Variants in MUC5B observed in about 807,000 individuals in gnomAD.
MUC5B encodes the protein mucin-5B.
In MUC5B, 116 loss-of-function variants were observed where a neutral mutation model predicts 376.9. That is an observed-to-expected ratio of 0.31 (90% CI 0.26 to 0.36). The LOEUF (loss-of-function observed/expected upper bound fraction) is 0.36. Ranked by LOEUF, MUC5B falls within the 10% of genes least tolerant of loss-of-function variation. MUC5B has a pLI of 1.00. For synonymous variants in MUC5B, 3,517 were observed against 3,390.9 expected (o/e 1.04, Z -1.29); for missense variants, 7,165 against 7,769.9 (o/e 0.92, Z 2.93).
intron 7 of MUC5B, among the ~76,000 whole-genome samples, chr11:1,228,059 C>T (rs1406467272): frequency 1.3e-5 from 2 of 152,206 alleles, no homozygotes; most frequent in African/African-American, 4.8e-5. Context: ...AAGCCCGGAG[C>T]CAGCCCTTCC....
At chr11:1,229,133 C>A (rs1366037386) in intron 8 of MUC5B, 37 bp from the exon 9 acceptor site, 2 of 1,541,332 alleles carry the variant, frequency 1.3e-6, no homozygotes, top group Non-Finnish European at 8.7e-7. Flanking sequence ...CAGTACAGGG[C>A]CCTTCCCCTG....
In MUC5B at chr11:1,245,944, C is replaced by T. The variant is rs764292695; in HGVS notation, c.9064C>T (p.Pro3022Ser). The T allele has an allele frequency of 3.1e-6, 5 of 1,612,966 alleles. No homozygotes were observed. The highest frequency in any genetic ancestry group is 3.4e-6 in the Non-Finnish European group (4 of 1,179,694). Residue 3022 changes from proline (P) to serine (S), a missense_variant, in exon 31 of 49, where the codon CCC becomes TCC. By Grantham distance (74) the Pro-to-Ser change is moderately conservative (BLOSUM62 -1). Coordinates refer to ENST00000529681, the MANE Select transcript of MUC5B (RefSeq NM_002458.3). Reference protein sequence around the residue: ...PSSTPGTAPPPKVLTSTATTP... With the variant: ...PSSTPGTAPPSKVLTSTATTP... ...CTCCACCCCGGGAACAGCTCCCCCT[C>T]CCAAAGTGCTGACCAGCACGGCCAC...
At position 1,246,517 on chromosome 11, in the gene MUC5B, T is replaced by C; in HGVS notation, c.9637T>C (p.Ser3213Pro). 6.2e-7 allele frequency: 1 copy of C among 1,612,680 alleles called. No homozygotes were observed. Among genetic ancestry groups the C allele is most frequent in the Non-Finnish European group, 8.5e-7 (1 of 1,179,474 alleles). ...PTVISSRATPSSSPGTATALP... is the reference protein window; with the variant it reads ...PTVISSRATPPSSPGTATALP... ...AGTCATCAGCTCCAGAGCCACTCCC[T>C]CCTCCAGTCCAGGGACTGCAACCGC... The change falls in exon 31 of 49, where the codon TCC (serine) becomes CCC (proline). Residue 3213 changes from serine to proline, a missense_variant. Ser to Pro is a moderately conservative substitution (Grantham distance 74, BLOSUM62 -1). Transcript: ENST00000529681.
chr11:1,260,971 A>G (rs895194058), intron 48 of MUC5B, among the ~76,000 whole-genome samples: 1 of 152,158 alleles, frequency 6.6e-6, no homozygotes, highest in African/African-American at 2.4e-5. Context: ...CCCCGCTGCG[A>G]ACCCAGGTCC....
chr11:1,257,953 G>A lies in MUC5B; in HGVS notation c.16451-146G>A. Reference sequence around the variant, plus strand: ...GGACGTGGGAAGCAGCGGGGAGGTGGCCAAGCAAGGGGCCTGGAGGGAGCC... The same window carrying A: ...GGACGTGGGAAGCAGCGGGGAGGTGACCAAGCAAGGGGCCTGGAGGGAGCC... On this transcript the variant is annotated intron_variant, in intron 41 of 48. Transcript: ENST00000529681. The surrounding 1 kb of genome is among the most constrained non-coding windows in gnomAD (Gnocchi z 8.9). 1.3e-5 allele frequency: 12 copies of A among 944,142 alleles called. No homozygotes were observed. The highest frequency in any genetic ancestry group is 1.7e-5 in the Non-Finnish European group (11 of 634,602). 58.5% of individuals were successfully genotyped at this position (944,142 alleles called of 1,614,324 possible).
intron 9 of MUC5B, 61 bp from the exon 10 acceptor site, chr11:1,229,629 G>A (rs1282466947): frequency 3.6e-6 from 5 of 1,400,004 alleles, no homozygotes; most frequent in Admixed American, 4.0e-5. Context: ...CAAGGCCGGT[G>A]TCTTCTGACC....
At chr11:1,256,468 A>AC in intron 38 of MUC5B, 1 of 64,406 alleles carries the variant, frequency 1.6e-5, no homozygotes, top group Non-Finnish European at 2.6e-5. Context: ...ACCGAGCCCC[A>AC]CCCATCCCCG....
chr11:1,234,198 TC>T lies in MUC5B; in HGVS notation c.2378-3del. ...CCAGGACCCCTCCCACCAAGCTCTG[TC>T]CCCAGGGTGTGCAGCCCCCATGGTG... On this transcript the variant is annotated splice_polypyrimidine_tract_variant and splice_region_variant and intron_variant, in intron 19 of 48. Transcript: ENST00000529681. This position sits in a 1 kb window ranked among gnomAD's most constrained non-coding sequence, Gnocchi z 6.3. 6.3e-7 allele frequency: 1 copy of T among 1,594,864 alleles called. No individual in the cohort carries two copies. Among genetic ancestry groups the T allele is most frequent in the Non-Finnish European group, 8.5e-7 (1 of 1,172,558 alleles).
At chr11:1,254,458 C>T in intron 34 of MUC5B, 107 bp downstream of exon 34, 1 of 1,466,004 alleles carries the variant, frequency 6.8e-7, no homozygotes, top group Non-Finnish European at 9.2e-7. Flanking sequence ...GGCCCAGTGC[C>T]CAAGACAGCT....
Position 1,244,605 on chromosome 11 carries a change from C to A in MUC5B, c.7725C>A (p.His2575Gln). The change falls in exon 31 of 49, where the codon CAC becomes CAA. Residue 2575 changes from histidine (H) to glutamine (Q), a missense_variant. His to Gln is a conservative substitution (Grantham distance 24). This residue lies in a region of MUC5B where 194 missense variants were observed against 268.5 expected (regional missense o/e 0.72). Transcript: ENST00000529681. ...CCTCCTCCACTCCAGAGACTGTCCA[C>A]ACCTCCACAGTGCTTACCACCACGG... ...ATPSSTPETV[H>Q]TSTVLTTTAT... is the part of the protein sequence containing the mutation. 1 of 1,613,668 alleles carries A rather than the reference C, an allele frequency of 6.2e-7. No homozygotes were observed. Among genetic ancestry groups the A allele is most frequent in the Non-Finnish European group, 8.5e-7 (1 of 1,179,774 alleles).
rs1862482562 is a variant in MUC5B, at chr11:1,246,732, C to T, written c.9852C>T (p.Thr3284=). ...CCTCCACAGTGCTTACCACCACGAC[C>T]ACCACAACCAGGGCCACCGGCTCTG... ...VHTSTVLTTT[T]TTTRATGSVA... is the part of the protein sequence containing the mutation. Residue 3284 remains threonine (T), a synonymous_variant, in exon 31 of 49, where the codon ACC becomes ACT. Coordinates refer to ENST00000529681, the MANE Select transcript of MUC5B (RefSeq NM_002458.3). 7 of 1,609,752 alleles carry T rather than the reference C, an allele frequency of 4.3e-6. No individual in the cohort carries two copies. In the Admixed American group the frequency reaches 1.2e-4, roughly 27 times the overall value.
chr11:1,252,034 C>T (rs998243452), intron 31 of MUC5B, among the ~76,000 whole-genome samples: 2 of 152,034 alleles, frequency 1.3e-5, no homozygotes, highest in African/African-American at 4.8e-5. Context: ...CAATCCATCC[C>T]CACTGGCCAC....
rs934298772 is a variant in MUC5B, at chr11:1,261,924, C to A, written c.*316C>A. On this transcript the variant is annotated 3_prime_UTR_variant, in exon 49 of 49. Coordinates refer to ENST00000529681, the MANE Select transcript of MUC5B (RefSeq NM_002458.3). Reference sequence around the variant, plus strand: ...CATGTGCGGGCCTATGTGTCCCTGCCACGGCCGGAGCGCCCGCGCAGCACG... The same window carrying A: ...CATGTGCGGGCCTATGTGTCCCTGCAACGGCCGGAGCGCCCGCGCAGCACG... The A allele has an allele frequency of 1.3e-4, 74 of 578,734 alleles. No individual in the cohort carries two copies. The highest frequency in any genetic ancestry group is 2.0e-4 in the African/African-American group (11 of 54,468). The allele number at this position is 578,734 out of a possible 1,614,324, so 35.8% of individuals were successfully genotyped here.
intron 6 of MUC5B, 72 bp downstream of exon 6, chr11:1,227,470 C>T (rs1861914701): frequency 1.6e-6 from 2 of 1,268,984 alleles, no homozygotes; most frequent in Non-Finnish European, 1.1e-6. Context: ...CCCGGGGAGG[C>T]CGGGAGGGGG....
chr11:1,233,301 G>C (rs1192637266), intron 18 of MUC5B, 33 bp downstream of exon 18: 2 of 1,490,546 alleles, frequency 1.3e-6, no homozygotes, highest in African/African-American at 1.4e-5. Flanking sequence ...GGCCCCCCAG[G>C]TGCTCCTCAG....
rs1224461501 is a variant in MUC5B at position 1,241,544 on chromosome 11, C to A, written c.4664C>A (p.Pro1555His). The stretch of plus-strand genomic sequence containing the variant: ...ATAGAGTGCCAGGCCGAGAGCTTCC[C>A]CAACTGGACCCTGGCACAGGTGGGG... The part of the protein sequence containing the change: ...KDIECQAESF[P>H]NWTLAQVGQK... Residue 1555 changes from proline (P) to histidine (H), a missense_variant, in exon 31 of 49, where the codon CCC becomes CAC. Pro to His is a moderately conservative substitution (Grantham distance 77, BLOSUM62 -2). Around this residue, in one of 31 missense-constraint regions of MUC5B, gnomAD observed 517 missense variants for 545.3 expected, o/e 0.95. Coordinates refer to ENST00000529681, the MANE Select transcript of MUC5B (RefSeq NM_002458.3). 6.2e-7 allele frequency: 1 copy of A among 1,612,636 alleles called. No homozygotes were observed. Among genetic ancestry groups the A allele is most frequent in the South Asian group, 1.1e-5 (1 of 90,948 alleles).
At chr11:1,225,999 T>C (rs1159689686) in intron 2 of MUC5B, among the ~76,000 whole-genome samples, 1 of 152,218 alleles carries the variant, frequency 6.6e-6, no homozygotes, top group Non-Finnish European at 1.5e-5. Flanking sequence ...GGCACACACA[T>C]GTGTGCACAC....
rs1862542379 is a variant in MUC5B at position 1,247,944 on chromosome 11, G to T, written c.11064G>T (p.Gly3688=). The T allele has an allele frequency of 6.2e-7, 1 of 1,611,194 alleles. No individual in the cohort carries two copies. The highest frequency in any genetic ancestry group is 8.5e-7 in the Non-Finnish European group (1 of 1,178,340). ...CGGCCACGCCCTCCTCAACTCCGGG[G>T]ACGACCTGGATCCTCACAAAGCTGA... ...SSTATPSSTP[G]TTWILTKLTT... The change falls in exon 31 of 49, where the codon GGG becomes GGT. Residue 3688 remains glycine (G), a synonymous_variant. Transcript: ENST00000529681.
chr11:1,242,424 C>T lies in MUC5B; in HGVS notation c.5544C>T (p.Thr1848=). The change falls in exon 31 of 49, where the codon ACC becomes ACT. Residue 1848 remains threonine (T), a synonymous_variant. Coordinates refer to ENST00000529681, the MANE Select transcript of MUC5B (RefSeq NM_002458.3). ...VSIDQVGQVL[T]CSLETGLTCK... is the part of the protein sequence containing the mutation. ...TCGACCAGGTCGGGCAGGTGCTGAC[C>T]TGCAGCCTGGAGACGGGGCTGACCT... 5.0e-6 allele frequency: 8 copies of T among 1,613,812 alleles called. No individual in the cohort carries two copies. Among genetic ancestry groups the T allele is most frequent in the African/African-American group, 1.3e-5 (1 of 74,982 alleles).
Sources: allele counts gnomAD v4.1 joint callset (sites outside exome capture counted in the v4.1 genomes callset), GRCh38; gene constraint gnomAD v4.1.1; regional missense constraint gnomAD v4.1.1; non-coding constraint Gnocchi (gnomAD v3.1); transcripts MANE v1.5; gene names NCBI Gene and HGNC (gene_info 2026-07-23, HGNC 2026-07-21).